Variants in CDH4 observed in about 807,000 individuals in gnomAD.
The protein encoded by CDH4 is cadherin-4.
CDH4 carries 33 observed loss-of-function variants against 86.0 expected under a neutral mutation model. The observed-to-expected ratio is 0.38, with a 90% CI of 0.29 to 0.51. CDH4 has a LOEUF of 0.51. Ranked by LOEUF, CDH4 falls within the 20% of genes least tolerant of loss-of-function variation. CDH4 has a pLI of 0.86. For synonymous variants in CDH4, 555 were observed against 549.4 expected (o/e 1.01, Z -0.14); for missense variants, 1,114 against 1,307.4 (o/e 0.85, Z 2.28).
chr20:61,650,948 A>G (rs990324734), intron 2 of CDH4, among the ~76,000 whole-genome samples: 4 of 152,264 alleles, frequency 2.6e-5, no homozygotes, highest in Admixed American at 2.6e-4. Flanking sequence ...CAGGGCTAAC[A>G]TCGAACCTTT....
At chr20:61,360,195 C>T (rs1196697857) in intron 2 of CDH4, among the ~76,000 whole-genome samples, 4 of 152,172 alleles carry the variant, frequency 2.6e-5, no homozygotes, top group African/African-American at 4.8e-5. Flanking sequence ...TGAACTATGT[C>T]CTGGGTGTGC....
chr20:61,683,331 A>C (rs1466968825), intron 2 of CDH4, among the ~76,000 whole-genome samples: 1 of 152,230 alleles, frequency 6.6e-6, no homozygotes, highest in Non-Finnish European at 1.5e-5. Flanking sequence ...ACAAGAGGAA[A>C]TCATGCACTT....
At chr20:61,456,312 T>C (rs891893305) in intron 2 of CDH4, among the ~76,000 whole-genome samples, 2 of 152,238 alleles carry the variant, frequency 1.3e-5, no homozygotes, top group African/African-American at 4.8e-5. Context: ...AAATCTTAGG[T>C]TGGCTTTTGG....
intron 2 of CDH4, among the ~76,000 whole-genome samples, chr20:61,685,769 G>A (rs778430899): frequency 6.6e-6 from 1 of 152,192 alleles, no homozygotes; most frequent in Non-Finnish European, 1.5e-5. Flanking sequence ...CAGTCCTCAC[G>A]GGGCTACCCC....
intron 2 of CDH4, among the ~76,000 whole-genome samples, chr20:61,394,537 G>T (rs2085004811): frequency 6.6e-6 from 1 of 152,088 alleles, no homozygotes; most frequent in South Asian, 2.1e-4. Context: ...ACAGTAAGAA[G>T]TAGGTGACAG....
intron 2 of CDH4, among the ~76,000 whole-genome samples, chr20:61,500,227 C>G (rs570383966): frequency 4.5e-4 from 68 of 152,174 alleles, no homozygotes; most frequent in Admixed American, 2.6e-3. Context: ...TCATAAGCTG[C>G]ACTGGGAAAT....
intron 2 of CDH4, among the ~76,000 whole-genome samples, chr20:61,390,268 G>C (rs1257488450): frequency 7.0e-6 from 1 of 142,744 alleles, no homozygotes; most frequent in African/African-American, 2.5e-5. Context: ...TGCGGTCATA[G>C]GGTGCCCATA....
chr20:61,852,461 C>T (rs1042735627), intron 5 of CDH4, among the ~76,000 whole-genome samples: 20 of 152,234 alleles, frequency 1.3e-4, no homozygotes, highest in Admixed American at 7.8e-4. Flanking sequence ...ACGGAACAGT[C>T]GGGCAGGCAT....
intron 2 of CDH4, among the ~76,000 whole-genome samples, chr20:61,577,412 TTG>T (rs1247131164): frequency 6.6e-6 from 1 of 152,094 alleles, no homozygotes; most frequent in Non-Finnish European, 1.5e-5. Context: ...AGTGGATATT[TTG>T]TGTGTTGAAG....
At position 61,418,580 on chromosome 20, in the gene CDH4, A is replaced by G. The variant is rs1308109188; in HGVS notation, c.169+163643A>G. ...TCCCCAAACCTCTGATTTCCTATCT[A>G]TCAGATGGGCTGATAATGGCACTTG... On this transcript the variant is annotated intron_variant, in intron 2 of 15. Coordinates refer to ENST00000614565, the MANE Select transcript of CDH4 (RefSeq NM_001794.5). Among the ~76,000 whole-genome samples the G allele has an allele frequency of 7.2e-5, 11 of 152,166 alleles. No homozygotes were observed. In the East Asian group the frequency reaches 7.7e-4, roughly 11 times the overall value.
intron 2 of CDH4, among the ~76,000 whole-genome samples, chr20:61,721,882 C>A (rs1333784501): frequency 1.3e-5 from 2 of 152,148 alleles, no homozygotes; most frequent in South Asian, 4.2e-4. Flanking sequence ...TGTGTGGCAT[C>A]CCTTCCCTGG....
intron 9 of CDH4, among the ~76,000 whole-genome samples, chr20:61,919,728 A>T (rs979226154): frequency 6.6e-6 from 1 of 151,238 alleles, no homozygotes; most frequent in African/African-American, 2.5e-5. Context: ...GCGCTGTGTC[A>T]TGATGATTGC....
intron 2 of CDH4, among the ~76,000 whole-genome samples, chr20:61,641,420 C>A (rs28490017): frequency 0.016 from 2,494 of 152,112 alleles, 106 homozygotes; most frequent in East Asian, 0.12. Flanking sequence ...GTTGTTCCCA[C>A]AAACCAGGCC....
chr20:61,881,568 C>T (rs1008970273), intron 7 of CDH4, among the ~76,000 whole-genome samples: 1 of 152,234 alleles, frequency 6.6e-6, no homozygotes, highest in East Asian at 1.9e-4. Context: ...TGTTCATCTG[C>T]CTTTGGAACT....
chr20:61,270,627 G>T (rs373179369), intron 2 of CDH4, among the ~76,000 whole-genome samples: 1 of 152,150 alleles, frequency 6.6e-6, no homozygotes, highest in African/African-American at 2.4e-5. Context: ...TGCTTGAAAG[G>T]TTAATGGCTG....
Position 61,852,808 on chromosome 20 carries a change from C to G in CDH4, c.787C>G (p.Leu263Val), listed in dbSNP as rs1433748759. 1.2e-6 allele frequency: 2 copies of G among 1,613,988 alleles called. No individual in the cohort carries two copies. Among genetic ancestry groups the G allele is most frequent in the Admixed American group, 1.7e-5 (1 of 60,010 alleles). ...CAACAAGGTGGAGAACCCCATCGAC[C>G]TGTACATCTACGTCATCGACATGAA... ...NGNKVENPID[L>V]YIYVIDMNDN... Residue 263 changes from leucine (L) to valine (V), a missense_variant, in exon 6 of 16, where the codon CTG (leucine) becomes GTG (valine). By Grantham distance (32) the Leu-to-Val change is conservative. Coordinates refer to ENST00000614565, the MANE Select transcript of CDH4 (RefSeq NM_001794.5).
At chr20:61,855,964 G>C (rs1982981559) in intron 6 of CDH4, among the ~76,000 whole-genome samples, 1 of 152,198 alleles carries the variant, frequency 6.6e-6, no homozygotes, top group African/African-American at 2.4e-5. Context: ...CGGAGCTGGA[G>C]GTGCCACTGT....
At chr20:61,306,267 A>T (rs1416669007) in intron 2 of CDH4, among the ~76,000 whole-genome samples, 2 of 152,226 alleles carry the variant, frequency 1.3e-5, no homozygotes, top group African/African-American at 4.8e-5. Flanking sequence ...AGATTCCTTT[A>T]AAAATGCAGT....
At chr20:61,723,856 C>T (rs1413035782) in intron 2 of CDH4, among the ~76,000 whole-genome samples, 1 of 147,884 alleles carries the variant, frequency 6.8e-6, no homozygotes, top group Non-Finnish European at 1.5e-5. Flanking sequence ...GACGTGCAAG[C>T]GGCTGGCGGC....
Sources: allele counts gnomAD v4.1 joint callset (sites outside exome capture counted in the v4.1 genomes callset), GRCh38; gene constraint gnomAD v4.1.1; transcripts MANE v1.5; gene names NCBI Gene and HGNC (gene_info 2026-07-23, HGNC 2026-07-21).